The following ZFR2 variants were observed in gnomAD, a reference collection of about 807,000 sequenced individuals.
ZFR2 encodes zinc finger RNA binding protein 2, also known as zinc finger RNA-binding protein 2.
A neutral mutation model predicts 105.7 loss-of-function variants in ZFR2; 104 were observed. The ratio of observed to expected loss-of-function variants is 0.98; its 90% CI spans 0.84 to 1.16. The LOEUF is 1.16. Among genes scored for constraint, ZFR2 ranks in the 50% most tolerant of loss-of-function variants. ZFR2 has a pLI of 0.00. For missense variants in ZFR2, 1,425 were observed against 1,355.5 expected (o/e 1.05, Z -0.80); for synonymous variants, 634 against 597.7 (o/e 1.06, Z -0.89).
chr19:3,813,757 T>A lies in ZFR2; in HGVS notation c.2242+63A>T. On this transcript the variant is annotated intron_variant, in intron 14 of 18. Coordinates refer to ENST00000262961, the MANE Select transcript of ZFR2 (RefSeq NM_015174.2). The surrounding 1 kb of genome is among the most constrained non-coding windows in gnomAD (Gnocchi z 4.4). ...AGGCGGACGCTGCCCCAGGCCTGGG[T>A]GTGGGGAGCGCCCTGGGGAAGCGTG... 1 of 1,593,270 alleles carries A rather than the reference T, an allele frequency of 6.3e-7. No homozygotes were observed. The highest frequency in any genetic ancestry group is 8.6e-7 in the Non-Finnish European group (1 of 1,168,024).
At chr19:3,833,846 G>A (rs1045800830) in intron 2 of ZFR2, 68 bp from the exon 3 acceptor site, 167 of 1,235,632 alleles carry the variant, frequency 1.4e-4, no homozygotes, top group Non-Finnish European at 1.6e-4. Flanking sequence ...TGGGTGCGAC[G>A]CGCCCTGCCA....
rs763585206 is a variant in ZFR2, at chr19:3,831,447, C to T, written c.708G>A (p.Pro236=). The part of the protein sequence containing the change: ...PPGPPQQLPP[P]PAPAGSGSSP... ...TGCTTCCTGAGCCTGCAGGCGCGGG[C>T]GGCGGGGGCAGCTGCTGCGGGGGTC... Residue 236 remains proline, a synonymous_variant, in exon 5 of 19, where the codon CCG becomes CCA. Transcript: ENST00000262961. 23 of 1,550,224 alleles carry T rather than the reference C, an allele frequency of 1.5e-5. No homozygotes were observed. Among genetic ancestry groups the T allele is most frequent in the Admixed American group, 3.9e-5 (2 of 51,166 alleles).
At chr19:3,827,683 C>A (rs556314982) in intron 5 of ZFR2, 30 bp from the exon 6 acceptor site, 4 of 1,560,170 alleles carry the variant, frequency 2.6e-6, no homozygotes, top group Admixed American at 1.9e-5. Context: ...GCAGCCTGGG[C>A]GGGGGTTTGC....
chr19:3,812,463 G>C (rs1405435393), intron 14 of ZFR2, among the ~76,000 whole-genome samples: 2 of 152,192 alleles, frequency 1.3e-5, no homozygotes, highest in Middle Eastern at 3.4e-3. Flanking sequence ...CCGACAGGAA[G>C]TGCACTTTCC....
intron 1 of ZFR2, among the ~76,000 whole-genome samples, chr19:3,842,805 A>G (rs1471216197): frequency 6.6e-6 from 1 of 151,710 alleles, no homozygotes; most frequent in Non-Finnish European, 1.5e-5. Context: ...TTGTATTTTT[A>G]GTAGAGATGG....
In ZFR2 at chr19:3,813,004, C is replaced by G. The variant is rs1319079786; in HGVS notation, c.2242+816G>C. ...CTGAGGCAGGAGAATCGCTTGAACC[C>G]AGGCGGCGGAAGTTGCAGTGAGCTG... On this transcript the variant is annotated intron_variant, in intron 14 of 18. Transcript: ENST00000262961. This position sits in a 1 kb window ranked among gnomAD's most constrained non-coding sequence, Gnocchi z 4.4. Among the ~76,000 whole-genome samples the G allele has an allele frequency of 6.6e-6, 1 of 152,166 alleles. No homozygotes were observed. The highest frequency in any genetic ancestry group is 2.4e-5 in the African/African-American group (1 of 41,434).
At chr19:3,842,864 C>T (rs549535359) in intron 1 of ZFR2, among the ~76,000 whole-genome samples, 39 of 152,148 alleles carry the variant, frequency 2.6e-4, no homozygotes, top group African/African-American at 8.9e-4. Context: ...ACTGCAGGTG[C>T]TCCACCTGCC....
At chr19:3,837,785 C>G (rs2038093323) in intron 1 of ZFR2, among the ~76,000 whole-genome samples, 1 of 150,838 alleles carries the variant, frequency 6.6e-6, no homozygotes, top group African/African-American at 2.4e-5. Flanking sequence ...CGATGGACAC[C>G]TTGACTGTGA....
chr19:3,824,795 G>A (rs2037931349), intron 7 of ZFR2, among the ~76,000 whole-genome samples: 1 of 152,092 alleles, frequency 6.6e-6, no homozygotes, highest in South Asian at 2.1e-4. Flanking sequence ...AAATTAGCCG[G>A]GCGTGGTGGT....
rs1228881396 is a variant in ZFR2, at chr19:3,816,851, G to C, written c.1932-6C>G. Reference sequence around the variant, plus strand: ...GAGTCTGGGGGGCAACGCTGCTGTGGGGACAAAGCCACAGACGTGCGCCAT... The same window carrying C: ...GAGTCTGGGGGGCAACGCTGCTGTGCGGACAAAGCCACAGACGTGCGCCAT... On this transcript the variant is annotated splice_polypyrimidine_tract_variant and splice_region_variant and intron_variant, in intron 12 of 18. Coordinates refer to ENST00000262961, the MANE Select transcript of ZFR2 (RefSeq NM_015174.2). 2 of 1,553,878 alleles carry C rather than the reference G, an allele frequency of 1.3e-6. No homozygotes were observed. Among genetic ancestry groups the C allele is most frequent in the Admixed American group, 3.9e-5 (2 of 51,184 alleles).
chr19:3,869,029 C>A lies in ZFR2; in HGVS notation c.-12G>T, dbSNP rs758953463. The A allele has an allele frequency of 8.1e-6, 11 of 1,352,440 alleles. No individual in the cohort carries two copies. The East Asian group carries it at 3.1e-4, about 38-fold the overall frequency. 83.8% of individuals were successfully genotyped at this position (1,352,440 alleles called of 1,614,324 possible). A position where few individuals can be genotyped will look rare whatever the true frequency, so the allele number is the denominator to read the frequency against. On this transcript the variant is annotated 5_prime_UTR_variant, in exon 1 of 19. Coordinates refer to ENST00000262961, the MANE Select transcript of ZFR2 (RefSeq NM_015174.2). Reference sequence around the variant, plus strand: ...TGACTCGTCGCCATCTTGGCGTCTTCCCCGAGCCTGGCGGACCCGCGACGT... The same window carrying A: ...TGACTCGTCGCCATCTTGGCGTCTTACCCGAGCCTGGCGGACCCGCGACGT...
chr19:3,810,580 G>T (rs1599218994), intron 16 of ZFR2, among the ~76,000 whole-genome samples, 170 bp downstream of exon 16: 2 of 152,270 alleles, frequency 1.3e-5, no homozygotes, highest in African/African-American at 4.8e-5. Context: ...TGTGGAGAGG[G>T]CCGTCTCCCC....
In ZFR2 at chr19:3,821,213, C is replaced by T. The variant is rs560542135; in HGVS notation, c.1631+127G>A. ...AGGACGTGCCCACTGCCCGGGCACCCGTCTCCCCCCACTGCTCGAGAGCTC... is the reference window on the plus strand; with the variant it reads ...AGGACGTGCCCACTGCCCGGGCACCTGTCTCCCCCCACTGCTCGAGAGCTC... On this transcript the variant is annotated intron_variant, in intron 10 of 18. Transcript: ENST00000262961. 1,594 of 1,312,346 alleles carry T rather than the reference C, an allele frequency of 1.2e-3. 1 individual carries two copies. Among genetic ancestry groups the T allele is most frequent in the Non-Finnish European group, 1.5e-3 (1,461 of 1,001,058 alleles). The allele number at this position is 1,312,346 out of a possible 1,614,324, so 81.3% of individuals were successfully genotyped here. A position where few individuals can be genotyped will look rare whatever the true frequency, so the allele number is the denominator to read the frequency against.
At position 3,813,332 on chromosome 19, in the gene ZFR2, G is replaced by GT. The variant is rs1035348842; in HGVS notation, c.2242+487_2242+488insA. On this transcript the variant is annotated intron_variant, in intron 14 of 18. Coordinates refer to ENST00000262961, the MANE Select transcript of ZFR2 (RefSeq NM_015174.2). The surrounding 1 kb of genome is among the most constrained non-coding windows in gnomAD (Gnocchi z 4.4). ...CCCTCGCTGCCCCTAGCCTGGCCCG[G>GT]CCCCTCACCCACCCTCCCAGGCCTG... Among the ~76,000 whole-genome samples, 3 of 152,154 alleles carry GT rather than the reference G, an allele frequency of 2.0e-5. No homozygotes were observed. The highest frequency in any genetic ancestry group is 2.9e-5 in the Non-Finnish European group (2 of 68,036).
chr19:3,852,515 C>A, intron 1 of ZFR2: 1 of 718,626 alleles, frequency 1.4e-6, no homozygotes, highest in Non-Finnish European at 2.6e-6. Context: ...AGCTTGGGCA[C>A]AGGGCAGTCA....
Position 3,822,115 on chromosome 19 carries a change from T to G in ZFR2, c.1457A>C (p.His486Pro), listed in dbSNP as rs760427037. 1.2e-6 allele frequency: 2 copies of G among 1,609,778 alleles called. No homozygotes were observed. Among genetic ancestry groups the G allele is most frequent in the East Asian group, 2.2e-5 (1 of 44,680 alleles). The change falls in exon 9 of 19, where the codon CAC (histidine) becomes CCC (proline). Residue 486 changes from histidine to proline, a missense_variant. Coordinates refer to ENST00000262961, the MANE Select transcript of ZFR2 (RefSeq NM_015174.2). ...SFNDLNAKDL[H>P]VRGRRHRLQY... ...CAGCCGGTGCCGCCGCCCCCTCACG[T>G]GCAGGTCCTTCGCGTTAAGGTCGTT...
intron 13 of ZFR2, among the ~76,000 whole-genome samples, chr19:3,814,787 C>T (rs2037807455): frequency 6.6e-6 from 1 of 152,194 alleles, no homozygotes; most frequent in South Asian, 2.1e-4. Context: ...TCAAAACCCT[C>T]CAGCCTCCCC....
intron 1 of ZFR2, among the ~76,000 whole-genome samples, chr19:3,842,982 G>A (rs1477445320): frequency 1.3e-5 from 2 of 152,092 alleles, no homozygotes; most frequent in Non-Finnish European, 2.9e-5. Context: ...AAAATGTAAT[G>A]GTGCAGCCAT....
At position 3,821,328 on chromosome 19, in the gene ZFR2, G is replaced by A. The variant is rs1202059149; in HGVS notation, c.1631+12C>T. ...TCACCAGGCCCCCTTGCCAAGACCC[G>A]CAGCCGGGCACCTCCTCTCCGCGTG... On this transcript the variant is annotated intron_variant, in intron 10 of 18. Transcript: ENST00000262961. The A allele has an allele frequency of 1.9e-6, 3 of 1,571,418 alleles. No individual in the cohort carries two copies. The highest frequency in any genetic ancestry group is 8.6e-7 in the Non-Finnish European group (1 of 1,163,108).
Sources: gnomAD v4.1 joint callset for allele counts (sites outside exome capture counted in the v4.1 genomes callset) on GRCh38, gnomAD v4.1.1 for gene constraint, Gnocchi (gnomAD v3.1) non-coding constraint, MANE v1.5 for transcripts, NCBI Gene and HGNC (gene_info 2026-07-23, HGNC 2026-07-21) for gene names.